The following TIMELESS variants were observed in gnomAD, a reference collection of about 807,000 sequenced individuals.
TIMELESS encodes the protein timeless circadian regulator.
TIMELESS carries 124 observed loss-of-function variants against 164.3 expected under a neutral mutation model. The observed-to-expected ratio is 0.75, with a 90% confidence interval of 0.65 to 0.88. The LOEUF is 0.88. Ranked by LOEUF, TIMELESS falls within the 40% of genes least tolerant of loss-of-function variation. The pLI is 0.00. For missense variants in TIMELESS, 1,422 were observed against 1,491.4 expected (o/e 0.95, Z 0.77); for synonymous variants, 564 against 563.4 (o/e 1.00, Z -0.02).
intron 1 of TIMELESS, among the ~76,000 whole-genome samples, chr12:56,437,687 C>T (rs1882116789): frequency 6.6e-6 from 1 of 152,138 alleles, no homozygotes; most frequent in African/African-American, 2.4e-5. Flanking sequence ...GAGAAGCAAG[C>T]AAGGACCCCA....
At position 56,428,269 on chromosome 12, in the gene TIMELESS, T is replaced by C; in HGVS notation, c.1545A>G (p.Arg515=). The C allele has an allele frequency of 6.2e-7, 1 of 1,609,420 alleles. No homozygotes were observed. Among genetic ancestry groups the C allele is most frequent in the South Asian group, 1.1e-5 (1 of 90,836 alleles). The change falls in exon 13 of 29, where the codon CGA becomes CGG. Residue 515 remains arginine (R), a synonymous_variant. Coordinates refer to ENST00000553532, the MANE Select transcript of TIMELESS (RefSeq NM_003920.5). ...TTHLFLKMLE[R]FCRSRGNLVV... ...CCAGGTTCCCACGGCTCCGACAGAA[T>C]CGCTCCAACATTTTGAGGAAGAGGT...
rs527902767 is a variant in TIMELESS at position 56,421,829 on chromosome 12, TG to T, written c.2643-21del. ...CCTTTCCTGATTAGGAAGGTGTCAG[TG>T]GAAGAGGAAGCCCAGGAAGTGATCA... is the stretch of plus-strand genomic sequence containing the variant. On this transcript the variant is annotated intron_variant, in intron 21 of 28. Transcript: ENST00000553532. 4.2e-5 allele frequency: 68 copies of T among 1,613,816 alleles called. No individual in the cohort carries two copies. Among genetic ancestry groups the T allele is most frequent in the Non-Finnish European group, 5.7e-5 (67 of 1,179,878 alleles).
intron 1 of TIMELESS, among the ~76,000 whole-genome samples, chr12:56,435,961 A>C (rs1384390941): frequency 6.6e-6 from 1 of 150,748 alleles, no homozygotes; most frequent in Non-Finnish European, 1.5e-5. Context: ...TCCGTCTTAA[A>C]AAAAAAAAAA....
intron 24 of TIMELESS, 23 bp downstream of exon 24, chr12:56,420,940 T>A (rs1180633756): frequency 1.2e-6 from 2 of 1,614,010 alleles, no homozygotes; most frequent in South Asian, 2.2e-5. Flanking sequence ...ACCTGAGACA[T>A]CTCTCCCAGC....
chr12:56,445,596 G>A (rs1264069604), intron 1 of TIMELESS, among the ~76,000 whole-genome samples: 1 of 151,704 alleles, frequency 6.6e-6, no homozygotes, highest in Admixed American at 6.6e-5. Flanking sequence ...AAATTAGCTG[G>A]GTGTAGTGGT....
intron 26 of TIMELESS, among the ~76,000 whole-genome samples, chr12:56,419,559 G>A (rs2136130690): frequency 6.6e-6 from 1 of 151,722 alleles, no homozygotes; most frequent in Non-Finnish European, 1.5e-5. Flanking sequence ...GCATGAAAAA[G>A]CCTACCAGGG....
chr12:56,425,170 T>C lies in TIMELESS; in HGVS notation c.1579-18A>G, dbSNP rs1268798054. 1.9e-6 allele frequency: 3 copies of C among 1,604,962 alleles called. No individual in the cohort carries two copies. The highest frequency in any genetic ancestry group is 2.7e-5 in the African/African-American group (2 of 73,710). The stretch of plus-strand genomic sequence containing the variant: ...TGTTTGTTCTGTGGGGAAAGAATTG[T>C]ATTAGGATGTCAAGAGAGCTAAAGA... On this transcript the variant is annotated intron_variant, in intron 13 of 28. Coordinates refer to ENST00000553532, the MANE Select transcript of TIMELESS (RefSeq NM_003920.5).
intron 1 of TIMELESS, among the ~76,000 whole-genome samples, chr12:56,439,756 C>T (rs140578506): frequency 6.6e-6 from 1 of 152,204 alleles, no homozygotes; most frequent in East Asian, 1.9e-4. Flanking sequence ...CTCAAACAGC[C>T]GTTATAAACA....
At chr12:56,433,158 C>T in intron 5 of TIMELESS, 31 bp from the exon 6 acceptor site, 1 of 1,600,452 alleles carries the variant, frequency 6.2e-7, no homozygotes, top group Non-Finnish European at 8.6e-7. Context: ...GGAAGAGACT[C>T]CCTGTGGAAG....
At chr12:56,429,988 G>T in intron 10 of TIMELESS, 117 bp downstream of exon 10, 1 of 960,266 alleles carries the variant, frequency 1.0e-6, no homozygotes, top group Non-Finnish European at 1.5e-6. Flanking sequence ...CCACCTACGA[G>T]TCCACATTCC....
rs567747429 is a variant in TIMELESS, at chr12:56,424,785, G to A, written c.1845C>T (p.Ala615=). ...ACCGAGCAGACCTCAGGAGAGTCAG[G>A]GCCTGTGGGGCCTGGCCAGCCAGGA... ...DCLLAGQAPQ[A]LTLLRSAREV... Residue 615 remains alanine (A), a synonymous_variant, in exon 15 of 29, where the codon GCC becomes GCT. Transcript: ENST00000553532. 18 of 1,614,098 alleles carry A rather than the reference G, an allele frequency of 1.1e-5. No individual in the cohort carries two copies. Among genetic ancestry groups the A allele is most frequent in the South Asian group, 9.9e-5 (9 of 91,080 alleles).
chr12:56,427,524 C>T (rs1229017179), intron 13 of TIMELESS, among the ~76,000 whole-genome samples: 1 of 152,138 alleles, frequency 6.6e-6, no homozygotes, highest in Non-Finnish European at 1.5e-5. Flanking sequence ...GAGCTTATTC[C>T]AATAATAACC....
chr12:56,436,917 T>C (rs1004357359), intron 1 of TIMELESS, among the ~76,000 whole-genome samples: 8 of 152,072 alleles, frequency 5.3e-5, no homozygotes, highest in African/African-American at 1.7e-4. Flanking sequence ...GCTTGGCATA[T>C]AGCGAGCATG....
intron 1 of TIMELESS, among the ~76,000 whole-genome samples, chr12:56,448,276 G>A (rs1007450378): frequency 5.3e-5 from 8 of 151,196 alleles, no homozygotes; most frequent in African/African-American, 1.7e-4. Flanking sequence ...CGTGGTGGCG[G>A]GCAGCTGTAA....
chr12:56,448,972 A>G (rs964109851), intron 1 of TIMELESS, among the ~76,000 whole-genome samples: 1 of 152,104 alleles, frequency 6.6e-6, no homozygotes, highest in African/African-American at 2.4e-5. Context: ...AGGAGGTCTC[A>G]ACTAGATGCT....
At chr12:56,421,588 T>C in intron 22 of TIMELESS, 95 bp from the exon 23 acceptor site, 4 of 1,533,350 alleles carry the variant, frequency 2.6e-6, no homozygotes, top group Non-Finnish European at 3.6e-6. Context: ...CCTCAATTCA[T>C]CCAAAAATGA....
chr12:56,422,227 C>A, intron 19 of TIMELESS, 36 bp from the exon 20 acceptor site: 2 of 1,600,474 alleles, frequency 1.2e-6, no homozygotes, highest in South Asian at 1.1e-5. Context: ...CATATAGGTT[C>A]TTGGCCCAAA....
intron 1 of TIMELESS, among the ~76,000 whole-genome samples, chr12:56,440,077 A>G (rs550457061): frequency 2.0e-5 from 3 of 152,238 alleles, no homozygotes; most frequent in African/African-American, 7.2e-5. Context: ...TTAAAATGCA[A>G]GAACCAAAAG....
chr12:56,433,831 G>A lies in TIMELESS; in HGVS notation c.193C>T (p.Leu65Phe). ...TGGTGCTGGGTGAGGATGGGCAGAA[G>A]GTCGCTCTGTAGGATCTGGGCTGCC... ...LGAAQILQSDLLPILTQHHQD... is the reference protein window; with the variant it reads ...LGAAQILQSDFLPILTQHHQD... Residue 65 changes from leucine to phenylalanine, a missense_variant, in exon 3 of 29, where the codon CTT becomes TTT. Transcript: ENST00000553532. The A allele has an allele frequency of 6.2e-7, 1 of 1,614,182 alleles. No individual in the cohort carries two copies. Among genetic ancestry groups the A allele is most frequent in the Admixed American group, 1.7e-5 (1 of 60,028 alleles).
Sources: allele counts gnomAD v4.1 joint callset (sites outside exome capture counted in the v4.1 genomes callset), GRCh38; gene constraint gnomAD v4.1.1; transcripts MANE v1.5; gene names NCBI Gene and HGNC (gene_info 2026-07-23, HGNC 2026-07-21).